UHMK1: variants seen among roughly 807,000 people sequenced by gnomAD.
UHMK1 encodes the protein U2AF homology motif kinase 1.
In UHMK1, 18 loss-of-function variants were observed where a neutral mutation model predicts 44.0. That is an observed-to-expected ratio of 0.41 (90% CI 0.28 to 0.61). The LOEUF (loss-of-function observed/expected upper bound fraction) is 0.61, where lower values mean the gene tolerates loss of function less well. Ranked by LOEUF, UHMK1 falls within the 20% of genes least tolerant of loss-of-function variation. The pLI, the probability that UHMK1 is intolerant of heterozygous loss-of-function variation, is 0.31. For synonymous variants in UHMK1, 231 were observed against 198.5 expected (o/e 1.16, Z -1.38); for missense variants, 463 against 522.5 (o/e 0.89, Z 1.11).
At chr1:162,509,642 T>C (rs914902047) in intron 4 of UHMK1, among the ~76,000 whole-genome samples, 10 of 152,190 alleles carry the variant, frequency 6.6e-5, no homozygotes, top group African/African-American at 2.2e-4. Context: ...ATAGGTTTTT[T>C]TTCGTATGTG....
rs1484681481 is a variant in UHMK1, at chr1:162,522,824, T to C, written c.*274T>C. 7.1e-6 allele frequency: 2 copies of C among 280,116 alleles called. No homozygotes were observed. The highest frequency in any genetic ancestry group is 4.7e-5 in the Admixed American group (1 of 21,264). 17.4% of individuals were successfully genotyped at this position (280,116 alleles called of 1,614,324 possible). A position where few individuals can be genotyped will look rare whatever the true frequency, so the allele number is the denominator to read the frequency against. ...AGAGCAGGTGTTGCTCTTCAGTATGTAGCCTAAAAAAATCTTAATTATTTC... is the reference window on the plus strand; with the variant it reads ...AGAGCAGGTGTTGCTCTTCAGTATGCAGCCTAAAAAAATCTTAATTATTTC... On this transcript the variant is annotated 3_prime_UTR_variant, in exon 8 of 8. Coordinates refer to ENST00000489294, the MANE Select transcript of UHMK1 (RefSeq NM_175866.5).
Position 162,498,265 on chromosome 1 carries a change from A to G in UHMK1, c.265A>G (p.Ile89Val), listed in dbSNP as rs769494548. ...GGAACAGTTGCAGGGTCACAGAAAC[A>G]TCGGTAATTGCCGCTGTCTCCTTTC... is the stretch of plus-strand genomic sequence containing the variant. The part of the protein sequence containing the change: ...ALEQLQGHRN[I>V]VTLYGVFTIH... Residue 89 changes from isoleucine (I) to valine (V), a missense_variant, in exon 1 of 8, where the codon ATC becomes GTC. Transcript: ENST00000489294. 1.3e-5 allele frequency: 20 copies of G among 1,584,092 alleles called. No homozygotes were observed. In the Middle Eastern group the frequency reaches 6.7e-4, roughly 53 times the overall value.
intron 4 of UHMK1, among the ~76,000 whole-genome samples, chr1:162,509,585 AGATGC>A: frequency 6.6e-6 from 1 of 152,218 alleles, no homozygotes; most frequent in Non-Finnish European, 1.5e-5. Context: ...TCTTACACAT[AGATGC>A]CAATATAGTG....
intron 3 of UHMK1, among the ~76,000 whole-genome samples, chr1:162,502,952 GTTC>G (rs150595588): frequency 0.46 from 69,068 of 151,756 alleles, 15,710 homozygotes; most frequent in East Asian, 0.47. Context: ...GATAGTATCT[GTTC>G]TTTTAACTCA....
chr1:162,524,066 A>G lies in UHMK1; in HGVS notation c.*1516A>G, dbSNP rs529086843. 1.3e-5 allele frequency: 2 copies of G among 152,048 alleles called. No individual in the cohort carries two copies. The highest frequency in any genetic ancestry group is 1.3e-4 in the Admixed American group (2 of 15,278). 9.4% of individuals were successfully genotyped at this position (152,048 alleles called of 1,614,324 possible). On this transcript the variant is annotated 3_prime_UTR_variant, in exon 8 of 8. Coordinates refer to ENST00000489294, the MANE Select transcript of UHMK1 (RefSeq NM_175866.5). The stretch of plus-strand genomic sequence containing the variant: ...GCACTGATTATACCAAAAAAAAAAG[A>G]CAAGTTATATACAGGTTATTAATTT...
rs1652373764 is a variant in UHMK1 at position 162,529,622 on chromosome 1, T to G, written c.*7072T>G. 1 of 152,210 alleles carries G rather than the reference T, an allele frequency of 6.6e-6. No individual in the cohort carries two copies. The highest frequency in any genetic ancestry group is 1.5e-5 in the Non-Finnish European group (1 of 68,032). The allele number at this position is 152,210 out of a possible 1,614,324, so 9.4% of individuals were successfully genotyped here. A position where few individuals can be genotyped will look rare whatever the true frequency, so the allele number is the denominator to read the frequency against. On this transcript the variant is annotated 3_prime_UTR_variant, in exon 8 of 8. Transcript: ENST00000489294. ...AGCTTAAAAATAAAGGAGTTGCTTT[T>G]TAATTTCAACTTTTTCTATACTTAG...
chr1:162,520,741 G>T lies in UHMK1; in HGVS notation c.1114-1663G>T, dbSNP rs547825044. ...ATTAGATCAGAGAGATTAGGGAGTGGTAGGGGGCTTATTAAGTAGAGTGAG... is the reference window on the plus strand; with the variant it reads ...ATTAGATCAGAGAGATTAGGGAGTGTTAGGGGGCTTATTAAGTAGAGTGAG... On this transcript the variant is annotated intron_variant, in intron 7 of 7. Transcript: ENST00000489294. Among the ~76,000 whole-genome samples, 5 of 152,294 alleles carry T rather than the reference G, an allele frequency of 3.3e-5. No homozygotes were observed. In the East Asian group the frequency reaches 9.6e-4, roughly 29 times the overall value.
At chr1:162,519,810 T>G (rs1015976485) in intron 7 of UHMK1, among the ~76,000 whole-genome samples, 1 of 152,216 alleles carries the variant, frequency 6.6e-6, no homozygotes, top group African/African-American at 2.4e-5. Flanking sequence ...TTTCCTGATT[T>G]CTACCCACTT....
At chr1:162,518,928 G>A (rs1205715204) in intron 7 of UHMK1, among the ~76,000 whole-genome samples, 6 of 151,448 alleles carry the variant, frequency 4.0e-5, no homozygotes, top group Non-Finnish European at 8.8e-5. Flanking sequence ...GGTGGAGGTT[G>A]TAGTGAGTGG....
In UHMK1 at chr1:162,500,038, G is replaced by A. The variant is rs1013909737; in HGVS notation, c.352G>A (p.Val118Ile). 1 of 1,614,206 alleles carries A rather than the reference G, an allele frequency of 6.2e-7. No homozygotes were observed. The highest frequency in any genetic ancestry group is 8.5e-7 in the Non-Finnish European group (1 of 1,180,050). Residue 118 changes from valine to isoleucine, a missense_variant, in exon 2 of 8, where the codon GTT becomes ATT. Coordinates refer to ENST00000489294, the MANE Select transcript of UHMK1 (RefSeq NM_175866.5). ...GTTGCTTGAACTCCTGGATGTCAGT[G>A]TTTCGGAATTGCTCTTATATTCCAG... ...CLLLELLDVS[V>I]SELLLYSSHQ...
Position 162,512,493 on chromosome 1 carries a change from G to A in UHMK1, c.849-7G>A, listed in dbSNP as rs55923856. The A allele has an allele frequency of 3.4e-4, 550 of 1,599,684 alleles. No individual in the cohort carries two copies. Among genetic ancestry groups the A allele is most frequent in the Non-Finnish European group, 4.3e-4 (500 of 1,176,212 alleles). ...GAAATGATAAGGCACCTATTTTTGT[G>A]TTTTAGCATGCTTCATGATGATCCA... is the stretch of plus-strand genomic sequence containing the variant. On this transcript the variant is annotated splice_region_variant and splice_polypyrimidine_tract_variant and intron_variant, in intron 4 of 7. Coordinates refer to ENST00000489294, the MANE Select transcript of UHMK1 (RefSeq NM_175866.5).
chr1:162,509,817 T>A (rs183623502), intron 4 of UHMK1, among the ~76,000 whole-genome samples: 1 of 152,304 alleles, frequency 6.6e-6, no homozygotes, highest in East Asian at 1.9e-4. Flanking sequence ...TAATTTTTTG[T>A]ATTTTTTAGT....
chr1:162,520,134 C>G (rs1482796311), intron 7 of UHMK1, among the ~76,000 whole-genome samples: 1 of 152,178 alleles, frequency 6.6e-6, no homozygotes, highest in Non-Finnish European at 1.5e-5. Flanking sequence ...TTCAAGAGAT[C>G]CAACCCGATT....
At chr1:162,497,353 T>G (rs1015396352), upstream of UHMK1, 17 of 688,004 alleles carry the variant, frequency 2.5e-5, no homozygotes, top group Admixed American at 3.7e-4. Context: ...AATTTTAGAG[T>G]GCCCTGGCCT....
chr1:162,499,915 C>T (rs1258638402), intron 1 of UHMK1, 40 bp from the exon 2 acceptor site: 31 of 1,598,024 alleles, frequency 1.9e-5, no homozygotes, highest in Non-Finnish European at 2.6e-5. Flanking sequence ...GTGACTTACT[C>T]TGAGTCTGAT....
Position 162,503,831 on chromosome 1 carries a change from A to G in UHMK1, c.831A>G (p.Leu277=). The G allele has an allele frequency of 6.2e-7, 1 of 1,614,090 alleles. No homozygotes were observed. The highest frequency in any genetic ancestry group is 1.7e-5 in the Admixed American group (1 of 60,022). ...ATGCCGCAATTCCAGCCTATCACCTAAGAGACCTTATCAAAAGGTATGTTA... is the reference window on the plus strand; with the variant it reads ...ATGCCGCAATTCCAGCCTATCACCTGAGAGACCTTATCAAAAGGTATGTTA... The part of the protein sequence containing the change: ...VVNAAIPAYH[L]RDLIKSMLHD... The change falls in exon 4 of 8, where the codon CTA becomes CTG. Residue 277 remains leucine, a synonymous_variant. Transcript: ENST00000489294.
chr1:162,512,676 C>T (rs779902811), intron 5 of UHMK1, 49 bp from the exon 6 acceptor site: 19 of 1,607,838 alleles, frequency 1.2e-5, no homozygotes, highest in Non-Finnish European at 1.6e-5. Flanking sequence ...TGGTGTTCAA[C>T]TTATTTGGGG....
chr1:162,500,763 C>A, intron 2 of UHMK1, 150 bp from the exon 3 acceptor site: 1 of 692,076 alleles, frequency 1.4e-6, no homozygotes, highest in Non-Finnish European at 2.3e-6. Context: ...GTTAATGAAC[C>A]AAAGAATTAT....
chr1:162,512,649 T>C, intron 5 of UHMK1, 73 bp downstream of exon 5: 1 of 1,602,060 alleles, frequency 6.2e-7, no homozygotes, highest in Non-Finnish European at 8.5e-7. Flanking sequence ...TAATTTATAT[T>C]CACAAGTTCC....
Sources: allele counts gnomAD v4.1 joint callset (sites outside exome capture counted in the v4.1 genomes callset), GRCh38; gene constraint gnomAD v4.1.1; transcripts MANE v1.5; gene names NCBI Gene and HGNC (gene_info 2026-07-23, HGNC 2026-07-21).